Variants in PSMA7 observed in about 807,000 individuals in gnomAD.
The protein encoded by PSMA7 is proteasome subunit alpha type-7.
Under a neutral mutation model 31.3 loss-of-function variants are expected in PSMA7, and 5 were observed. That is an observed-to-expected ratio of 0.16 (90% CI 0.08 to 0.34). The LOEUF is 0.34. PSMA7 is among the 10% of genes least tolerant of loss of function. The pLI is 1.00. For synonymous variants in PSMA7, 155 were observed against 121.9 expected (o/e 1.27, Z -1.79); for missense variants, 217 against 327.5 (o/e 0.66, Z 2.60).
Position 62,138,239 on chromosome 20 carries a change from T to C in PSMA7, c.523A>G (p.Asn175Asp), listed in dbSNP as rs1157126323. Residue 175 changes from asparagine to aspartate, a missense_variant, in exon 5 of 7, where the codon AAC becomes GAC. Coordinates refer to ENST00000370873, the MANE Select transcript of PSMA7 (RefSeq NM_002792.4). ...GTTTCAATGGCTTCGTCAGTATAGT[T>C]CTTCTCCAGGAACTCGCGCACTGAC... The part of the protein sequence containing the change: ...AKSVREFLEK[N>D]YTDEAIETDD... The C allele has an allele frequency of 6.2e-7, 1 of 1,614,114 alleles. No individual in the cohort carries two copies. The highest frequency in any genetic ancestry group is 1.1e-5 in the South Asian group (1 of 91,084).
intron 1 of PSMA7, 108 bp downstream of exon 1, chr20:62,143,100 G>T: frequency 1.7e-6 from 1 of 578,730 alleles, no homozygotes; most frequent in Non-Finnish European, 2.2e-6. Flanking sequence ...GCTGCCCCGC[G>T]CACGCCCGCG....
Position 62,137,339 on chromosome 20 carries a change from G to A in PSMA7, c.654+25C>T, listed in dbSNP as rs375775159. 62 of 1,611,970 alleles carry A rather than the reference G, an allele frequency of 3.8e-5. No individual in the cohort carries two copies. In the Middle Eastern group the frequency reaches 6.6e-4, roughly 17 times the overall value. Reference sequence around the variant, plus strand: ...TCATGGGAGAAAACTGACAGGTAAAGAAAGCAGACAAACTTGGTGATTACC... The same window carrying A: ...TCATGGGAGAAAACTGACAGGTAAAAAAAGCAGACAAACTTGGTGATTACC... On this transcript the variant is annotated intron_variant, in intron 6 of 6. Transcript: ENST00000370873.
intron 1 of PSMA7, among the ~76,000 whole-genome samples, chr20:62,142,920 G>A (rs2056945813): frequency 6.6e-6 from 1 of 150,432 alleles, no homozygotes; most frequent in Non-Finnish European, 1.5e-5. Flanking sequence ...TGCTCAAGAT[G>A]GCGTCGTCAC....
intron 1 of PSMA7, 47 bp from the exon 2 acceptor site, chr20:62,140,991 G>C (rs768644212): frequency 4.2e-5 from 67 of 1,608,182 alleles, no homozygotes; most frequent in Non-Finnish European, 4.8e-5. Flanking sequence ...TATGAGTGCT[G>C]GGTGCAGTGG....
At chr20:62,138,141 AC>A in intron 5 of PSMA7, 29 bp downstream of exon 5, 2 of 1,613,846 alleles carry the variant, frequency 1.2e-6, no homozygotes. Context: ...TATCTTCACC[AC>A]CTTGCCTGGA....
intron 5 of PSMA7, 82 bp downstream of exon 5, chr20:62,138,089 T>A: frequency 1.3e-6 from 2 of 1,586,224 alleles, no homozygotes; most frequent in East Asian, 2.2e-5. Context: ...CTTGCCACCT[T>A]CCTTCCTGCT....
At position 62,143,262 on chromosome 20, in the gene PSMA7, G is replaced by T; in HGVS notation, c.42C>A (p.Gly14=). 1 of 1,481,178 alleles carries T rather than the reference G, an allele frequency of 6.8e-7. No individual in the cohort carries two copies. 91.8% of individuals were successfully genotyped at this position (1,481,178 alleles called of 1,614,324 possible). Reference sequence around the variant, plus strand: ...GCGCGTACTCCACTTGGAAGAGGTGGCCGTCGGGCGAGAAGACGGTGATGG... The same window carrying T: ...GCGCGTACTCCACTTGGAAGAGGTGTCCGTCGGGCGAGAAGACGGTGATGG... ...DRAITVFSPD[G]HLFQVEYAQE... is the part of the protein sequence containing the mutation. Residue 14 remains glycine (G), a synonymous_variant, in exon 1 of 7, where the codon GGC becomes GGA. Transcript: ENST00000370873.
intron 4 of PSMA7, among the ~76,000 whole-genome samples, chr20:62,138,849 C>A (rs1182824186): frequency 1.3e-5 from 2 of 152,186 alleles, no homozygotes; most frequent in African/African-American, 4.8e-5. Context: ...TGAGTCACCA[C>A]GCCCACCCAA....
At chr20:62,138,995 C>A in intron 4 of PSMA7, 80 bp downstream of exon 4, 1 of 1,541,872 alleles carries the variant, frequency 6.5e-7, no homozygotes, top group Non-Finnish European at 8.8e-7. Context: ...ACAGGGCCTA[C>A]AGCAGGAAGC....
Position 62,136,878 on chromosome 20 carries a change from C to T in PSMA7, c.726G>A (p.Lys242=), listed in dbSNP as rs1269145735. 5 of 1,598,664 alleles carry T rather than the reference C, an allele frequency of 3.1e-6. No individual in the cohort carries two copies. The highest frequency in any genetic ancestry group is 1.8e-5 in the Admixed American group (1 of 56,272). The part of the protein sequence containing the change: ...IEKEKEENEK[K]KQKKAS ...TTCATCATGATGCTTTCTTTTGTTT[C>T]TTCTTTTCGTTTTCTTCTTTTTCTT... Residue 242 remains lysine (K), a synonymous_variant, in exon 7 of 7, where the codon AAG becomes AAA. Coordinates refer to ENST00000370873, the MANE Select transcript of PSMA7 (RefSeq NM_002792.4).
In PSMA7 at chr20:62,142,223, T is replaced by C. The variant is rs188749463; in HGVS notation, c.96+985A>G. Among the ~76,000 whole-genome samples the C allele has an allele frequency of 1.5e-3, 224 of 152,206 alleles. 3 individuals are homozygous for C. The highest frequency in any genetic ancestry group is 2.5e-3 in the Non-Finnish European group (167 of 67,990). ...ACTGACTCGAGGCCCAGAGAAGCTA[T>C]ATGGGTTCGTTAAAGCCAGCGGCGG... On this transcript the variant is annotated intron_variant, in intron 1 of 6. Coordinates refer to ENST00000370873, the MANE Select transcript of PSMA7 (RefSeq NM_002792.4).
At chr20:62,141,575 C>T (rs1342156741) in intron 1 of PSMA7, among the ~76,000 whole-genome samples, 1 of 152,360 alleles carries the variant, frequency 6.6e-6, no homozygotes, top group Admixed American at 6.5e-5. Flanking sequence ...ATTATATAAT[C>T]GGCATGTGTT....
At chr20:62,141,420 C>A (rs1215793729) in intron 1 of PSMA7, among the ~76,000 whole-genome samples, 2 of 152,260 alleles carry the variant, frequency 1.3e-5, no homozygotes, top group African/African-American at 4.8e-5. Flanking sequence ...TTGTCTGTCA[C>A]TGTGGCTGGC....
intron 1 of PSMA7, 98 bp from the exon 2 acceptor site, chr20:62,141,042 G>A: frequency 6.9e-7 from 1 of 1,443,086 alleles, no homozygotes; most frequent in Non-Finnish European, 9.5e-7. Flanking sequence ...GGCTGAGGTG[G>A]GTGGATGACT....
At chr20:62,139,039 G>A (rs2056911633) in intron 4 of PSMA7, 36 bp downstream of exon 4, 5 of 1,605,854 alleles carry the variant, frequency 3.1e-6, no homozygotes, top group Non-Finnish European at 2.6e-6. Flanking sequence ...CCTTTTTCTG[G>A]CAAGACTGTC....
intron 1 of PSMA7, among the ~76,000 whole-genome samples, chr20:62,142,301 T>C (rs1287746634): frequency 6.6e-6 from 1 of 152,194 alleles, no homozygotes; most frequent in Non-Finnish European, 1.5e-5. Context: ...AGCCGACTCC[T>C]AGTCCTCTTT....
Position 62,140,921 on chromosome 20 carries a change from A to C in PSMA7, c.120T>G (p.Ile40Met). Residue 40 changes from isoleucine to methionine, a missense_variant, in exon 2 of 7, where the codon ATT becomes ATG. This residue lies in a region of PSMA7 where 76 missense variants were observed against 96.5 expected (regional missense o/e 0.79). Coordinates refer to ENST00000370873, the MANE Select transcript of PSMA7 (RefSeq NM_002792.4). ...STAVGVRGRD[I>M]VVLGVEKKSV... ...ACTTCTTCTCCACACCAAGAACAAC[A>C]ATGTCTCTTCCTCGAACACCAACCT... 6 of 1,614,212 alleles carry C rather than the reference A, an allele frequency of 3.7e-6. No individual in the cohort carries two copies. Among genetic ancestry groups the C allele is most frequent in the Admixed American group, 1.7e-5 (1 of 60,028 alleles).
At chr20:62,143,011 G>A (rs2056947575) in intron 1 of PSMA7, among the ~76,000 whole-genome samples, 197 bp downstream of exon 1, 1 of 149,910 alleles carries the variant, frequency 6.7e-6, no homozygotes, top group South Asian at 2.1e-4. Flanking sequence ...CGCGGCTCAC[G>A]CCAAACGCCG....
At chr20:62,143,126 G>T in intron 1 of PSMA7, 82 bp downstream of exon 1, 1 of 923,068 alleles carries the variant, frequency 1.1e-6, no homozygotes, top group Non-Finnish European at 1.3e-6. Flanking sequence ...CCACAGCGCC[G>T]CGCCCGGCCC....
Sources: gnomAD v4.1 joint callset for allele counts (sites outside exome capture counted in the v4.1 genomes callset) on GRCh38, gnomAD v4.1.1 for gene constraint, gnomAD v4.1.1 regional missense constraint, MANE v1.5 for transcripts, NCBI Gene and HGNC (gene_info 2026-07-23, HGNC 2026-07-21) for gene names.